Variants in ZRANB3 observed in about 807,000 individuals in gnomAD.
ZRANB3 encodes the protein DNA annealing helicase and endonuclease ZRANB3.
A neutral mutation model predicts 133.8 loss-of-function variants in ZRANB3; 125 were observed. The ratio of observed to expected loss-of-function variants is 0.93; its 90% CI spans 0.81 to 1.08. ZRANB3 has a LOEUF of 1.08. Ranked by LOEUF, ZRANB3 falls within the 50% of genes least tolerant of loss-of-function variation. The pLI is 0.00. For missense variants in ZRANB3, 1,229 were observed against 1,275.5 expected, an observed-to-expected ratio of 0.96 and a Z score of 0.56; for synonymous variants, 387 against 432.7, an observed-to-expected ratio of 0.89 and a Z score of 1.31.
intron 16 of ZRANB3, among the ~76,000 whole-genome samples, chr2:135,218,788 C>G (rs1326680146): frequency 6.6e-6 from 1 of 152,066 alleles, no homozygotes; most frequent in Admixed American, 6.5e-5. Context: ...ATACAAATAT[C>G]ACAGTTGCTA....
chr2:135,496,996 G>C (rs1692702022), intron 2 of ZRANB3, among the ~76,000 whole-genome samples: 1 of 152,000 alleles, frequency 6.6e-6, no homozygotes, highest in Non-Finnish European at 1.5e-5. Context: ...TTAATTAACA[G>C]CAAAAGATAA....
intron 2 of ZRANB3, among the ~76,000 whole-genome samples, chr2:135,403,967 A>G (rs896414974): frequency 3.9e-5 from 6 of 152,200 alleles, no homozygotes; most frequent in Admixed American, 1.3e-4. Flanking sequence ...ACCATCATCA[A>G]AGACCAAAGG....
chr2:135,489,268 C>T (rs912775160), intron 2 of ZRANB3, among the ~76,000 whole-genome samples: 12 of 129,774 alleles, frequency 9.2e-5, no homozygotes, highest in African/African-American at 3.3e-4. Flanking sequence ...AATGAGAACA[C>T]ACGGACACAG....
intron 3 of ZRANB3, among the ~76,000 whole-genome samples, 153 bp from the exon 4 acceptor site, chr2:135,353,781 G>A (rs565111443): frequency 6.6e-6 from 1 of 152,056 alleles, no homozygotes; most frequent in African/African-American, 2.4e-5. Flanking sequence ...CAGGTGGATC[G>A]CTTGAGCCCA....
rs369166844 is a variant in ZRANB3 at position 135,526,226 on chromosome 2, C to A, written c.-8+4901G>T. ...TCGCCCAGGCTGGAGTACAATGGCACTATCTCGGCTCACCGCAACCTCCAC... is the reference window on the plus strand; with the variant it reads ...TCGCCCAGGCTGGAGTACAATGGCAATATCTCGGCTCACCGCAACCTCCAC... On this transcript the variant is annotated intron_variant, in intron 1 of 20. Coordinates refer to ENST00000264159, the MANE Select transcript of ZRANB3 (RefSeq NM_032143.4). Among the ~76,000 whole-genome samples the A allele has an allele frequency of 6.9e-5, 10 of 144,122 alleles. No homozygotes were observed. In the South Asian group the frequency reaches 2.2e-3, roughly 32 times the overall value. 94.5% of individuals were successfully genotyped at this position (144,122 alleles called of 152,430 possible).
intron 2 of ZRANB3, among the ~76,000 whole-genome samples, chr2:135,495,110 A>G (rs903081672): frequency 3.3e-5 from 5 of 152,142 alleles, no homozygotes; most frequent in African/African-American, 4.8e-5. Context: ...CACCTGTAAT[A>G]CTAGCAACTT....
At chr2:135,238,783 T>C (rs60505486) in intron 12 of ZRANB3, 16,503 of 152,308 alleles carry the variant, frequency 0.11, 1,147 homozygotes, top group South Asian at 0.32. Context: ...CTAGCCACCA[T>C]TGGTATGAGG....
Position 135,207,468 on chromosome 2 carries a change from T to C in ZRANB3, c.2975A>G (p.Tyr992Cys), listed in dbSNP as rs761392151. Residue 992 changes from tyrosine to cysteine, a missense_variant, in exon 19 of 21, where the codon TAT becomes TGT. Physicochemically the swap from Tyr to Cys is radical, Grantham distance 194. Coordinates refer to ENST00000264159, the MANE Select transcript of ZRANB3 (RefSeq NM_032143.4). Reference sequence around the variant, plus strand: ...TGGGAGCTTTGAAGTCCAGGTAGCATACAGAAGATTCTTCCTCTGACTTTT... The same window carrying C: ...TGGGAGCTTTGAAGTCCAGGTAGCACACAGAAGATTCTTCCTCTGACTTTT... ...APKSQRKNLLYATWTSKLPLE... is the reference protein window; with the variant it reads ...APKSQRKNLLCATWTSKLPLE... 3 of 1,613,600 alleles carry C rather than the reference T, an allele frequency of 1.9e-6. No homozygotes were observed. In the African/African-American group the frequency reaches 4.0e-5, roughly 22 times the overall value.
intron 3 of ZRANB3, among the ~76,000 whole-genome samples, chr2:135,378,615 G>A (rs1189399758): frequency 6.6e-6 from 1 of 152,124 alleles, no homozygotes; most frequent in African/African-American, 2.4e-5. Context: ...TAACTATACA[G>A]TAACAAAACC....
At chr2:135,415,141 C>A (rs1419005987) in intron 2 of ZRANB3, among the ~76,000 whole-genome samples, 2 of 147,742 alleles carry the variant, frequency 1.4e-5, no homozygotes, top group African/African-American at 5.0e-5. Context: ...AAAAAAAAAA[C>A]CCTTCAAAAA....
chr2:135,428,179 A>G (rs1385970610), intron 2 of ZRANB3, among the ~76,000 whole-genome samples: 2 of 152,204 alleles, frequency 1.3e-5, no homozygotes, highest in African/African-American at 4.8e-5. Flanking sequence ...GCAGTGGCTC[A>G]TGCCTGTAAT....
intron 3 of ZRANB3, among the ~76,000 whole-genome samples, chr2:135,354,875 T>C (rs1685362157): frequency 6.6e-6 from 1 of 152,142 alleles, no homozygotes; most frequent in Non-Finnish European, 1.5e-5. Context: ...GAACTCAGAA[T>C]TGTACACTAA....
intron 8 of ZRANB3, among the ~76,000 whole-genome samples, chr2:135,291,392 A>G (rs1032685708): frequency 2.0e-5 from 3 of 151,730 alleles, no homozygotes; most frequent in African/African-American, 7.3e-5. Flanking sequence ...CATGTTGGCC[A>G]GGCTGGTCTT....
chr2:135,464,419 C>T (rs1283539100), intron 2 of ZRANB3, among the ~76,000 whole-genome samples: 1 of 152,184 alleles, frequency 6.6e-6, no homozygotes, highest in Admixed American at 6.5e-5. Flanking sequence ...GTTGCAAACT[C>T]ACAGTCTGGT....
In ZRANB3 at chr2:135,325,094, A is replaced by C. The variant is rs561147294; in HGVS notation, c.678-9564T>G. Among the ~76,000 whole-genome samples the C allele has an allele frequency of 1.3e-3, 193 of 152,352 alleles. 1 individual carries two copies. Among genetic ancestry groups the C allele is most frequent in the Non-Finnish European group, 2.5e-3 (168 of 68,036 alleles). ...ACTCCCAAAGTTAATCTACAGATTC[A>C]ATGCAATCTGTATCAAAATTCCAGC... On this transcript the variant is annotated intron_variant, in intron 6 of 20. Transcript: ENST00000264159.
rs1172988796 is a variant in ZRANB3, at chr2:135,312,133, ATTATT to A, written c.966+1351_966+1355del. 1.0e-3 allele frequency among the ~76,000 whole-genome samples: 101 copies of A among 98,394 alleles called. 2 individuals carry two copies. Among genetic ancestry groups the A allele is most frequent in the East Asian group, 2.1e-3 (7 of 3,330 alleles). 64.6% of individuals were successfully genotyped at this position (98,394 alleles called of 152,430 possible). A position where few individuals can be genotyped will look rare whatever the true frequency, so the allele number is the denominator to read the frequency against. On this transcript the variant is annotated intron_variant, in intron 8 of 20. Transcript: ENST00000264159. ...TGTATTTATTTTTTTATTTTATTTT[ATTATT>A]TTATTTTATTTTATTTTATTTTTAT...
chr2:135,303,092 A>T (rs1682516454), intron 8 of ZRANB3, among the ~76,000 whole-genome samples: 1 of 152,216 alleles, frequency 6.6e-6, no homozygotes, highest in Non-Finnish European at 1.5e-5. Flanking sequence ...ATCAAACTGA[A>T]AATTAAGACA....
At chr2:135,463,613 C>A (rs1026295901) in intron 2 of ZRANB3, among the ~76,000 whole-genome samples, 1 of 151,932 alleles carries the variant, frequency 6.6e-6, no homozygotes, top group African/African-American at 2.4e-5. Context: ...GTCGGGGTTT[C>A]GCCATGTTGG....
chr2:135,454,379 C>T (rs895854426), intron 2 of ZRANB3, among the ~76,000 whole-genome samples: 21 of 152,102 alleles, frequency 1.4e-4, no homozygotes, highest in African/African-American at 5.1e-4. Context: ...TGACCAGGCT[C>T]TCATTATTAA....
Sources: allele counts gnomAD v4.1 joint callset (sites outside exome capture counted in the v4.1 genomes callset), GRCh38; gene constraint gnomAD v4.1.1; transcripts MANE v1.5; gene names NCBI Gene and HGNC (gene_info 2026-07-23, HGNC 2026-07-21).